The following SYT1 variants were observed in gnomAD, a reference collection of about 807,000 sequenced individuals.
SYT1 encodes synaptotagmin 1.
In SYT1, 8 loss-of-function variants were observed where a neutral mutation model predicts 44.8. The observed-to-expected ratio is 0.18, with a 90% CI of 0.10 to 0.32. The LOEUF (loss-of-function observed/expected upper bound fraction) is 0.32, where lower values mean the gene tolerates loss of function less well. SYT1 is among the 10% of genes least tolerant of loss of function. The pLI, the probability that SYT1 is intolerant of heterozygous loss-of-function variation, is 1.00. For missense variants in SYT1, 286 were observed against 509.3 expected (o/e 0.56, Z 4.22); for synonymous variants, 154 against 188.8 (o/e 0.82, Z 1.51).
intron 3 of SYT1, among the ~76,000 whole-genome samples, chr12:79,071,814 C>T (rs1876298046): frequency 6.6e-6 from 1 of 152,078 alleles, no homozygotes; most frequent in Admixed American, 6.6e-5. Context: ...GGACTTAAGG[C>T]CTACCCTACT....
chr12:79,095,167 T>C (rs957207953), intron 3 of SYT1, among the ~76,000 whole-genome samples: 5 of 151,700 alleles, frequency 3.3e-5, no homozygotes, highest in Non-Finnish European at 7.4e-5. Context: ...ATCAAACGAG[T>C]ACCCCAAAAG....
At chr12:79,109,065 A>G (rs561439320) in intron 3 of SYT1, among the ~76,000 whole-genome samples, 2 of 152,268 alleles carry the variant, frequency 1.3e-5, no homozygotes, top group South Asian at 4.1e-4. Context: ...ACTCTCCACA[A>G]GGCCAGGGGC....
chr12:79,132,497 G>A (rs1041784868), intron 3 of SYT1, among the ~76,000 whole-genome samples: 42 of 150,564 alleles, frequency 2.8e-4, no homozygotes, highest in Middle Eastern at 3.4e-3. Context: ...AATGCTAACC[G>A]TCACTAATCA....
chr12:79,125,336 C>T (rs976153383), intron 3 of SYT1, among the ~76,000 whole-genome samples: 2 of 151,542 alleles, frequency 1.3e-5, no homozygotes, highest in Non-Finnish European at 2.9e-5. Context: ...AGAGGCTGGG[C>T]GCAGTAGCAC....
At chr12:79,221,159 T>A (rs1875135116) in intron 4 of SYT1, among the ~76,000 whole-genome samples, 1 of 152,188 alleles carries the variant, frequency 6.6e-6, no homozygotes, top group Non-Finnish European at 1.5e-5. Context: ...ATTTTGACCA[T>A]TTTTATCATT....
chr12:79,358,664 C>CT (rs1555220745), intron 9 of SYT1, among the ~76,000 whole-genome samples: 3 of 152,132 alleles, frequency 2.0e-5, no homozygotes, highest in Non-Finnish European at 4.4e-5. Flanking sequence ...ATGCAGAGGA[C>CT]TTTCTAATAT....
intron 7 of SYT1, among the ~76,000 whole-genome samples, chr12:79,297,381 A>T (rs1284928808): frequency 6.6e-6 from 1 of 152,176 alleles, no homozygotes; most frequent in Non-Finnish European, 1.5e-5. Flanking sequence ...ATAAAATTTT[A>T]AAAATATTGT....
At chr12:79,269,831 C>G in intron 4 of SYT1, among the ~76,000 whole-genome samples, 1 of 152,136 alleles carries the variant, frequency 6.6e-6, no homozygotes, top group Non-Finnish European at 1.5e-5. Flanking sequence ...AAAAAAGATA[C>G]TTCAGTACCC....
At chr12:79,365,167 T>TATCA (rs759874480) in intron 9 of SYT1, among the ~76,000 whole-genome samples, 1 of 152,118 alleles carries the variant, frequency 6.6e-6, no homozygotes, top group Non-Finnish European at 1.5e-5. Flanking sequence ...TTTCTGCTTA[T>TATCA]ATCAATTCTA....
At chr12:79,372,328 A>G (rs933633196) in intron 9 of SYT1, among the ~76,000 whole-genome samples, 1 of 152,240 alleles carries the variant, frequency 6.6e-6, no homozygotes, top group East Asian at 1.9e-4. Flanking sequence ...AGTGAATTAA[A>G]TTCAATCAGA....
intron 3 of SYT1, among the ~76,000 whole-genome samples, chr12:79,060,632 G>A (rs1592711649): frequency 6.6e-6 from 1 of 151,982 alleles, no homozygotes; most frequent in South Asian, 2.1e-4. Context: ...CCTTATTGTA[G>A]CATGTGTCAA....
At chr12:79,113,778 C>T (rs1382543537) in intron 3 of SYT1, among the ~76,000 whole-genome samples, 5 of 152,096 alleles carry the variant, frequency 3.3e-5, no homozygotes, top group African/African-American at 1.2e-4. Context: ...ATCCCAGTTC[C>T]CACAAAAACT....
intron 3 of SYT1, among the ~76,000 whole-genome samples, chr12:79,115,421 C>T (rs1437913216): frequency 6.6e-6 from 1 of 152,192 alleles, no homozygotes; most frequent in East Asian, 1.9e-4. Context: ...AAATTCACTT[C>T]TACCACCTCA....
chr12:78,944,091 G>C (rs931219613), intron 1 of SYT1, among the ~76,000 whole-genome samples: 3 of 151,796 alleles, frequency 2.0e-5, no homozygotes, highest in East Asian at 3.9e-4. Context: ...TTTAAAATTA[G>C]TTTATTCTTA....
At chr12:79,156,620 A>C (rs966857658) in intron 3 of SYT1, among the ~76,000 whole-genome samples, 1 of 151,998 alleles carries the variant, frequency 6.6e-6, no homozygotes, top group Non-Finnish European at 1.5e-5. Flanking sequence ...GGCACATGCC[A>C]CCATGCCTGG....
chr12:79,015,160 A>T (rs1325518559), intron 2 of SYT1, among the ~76,000 whole-genome samples: 2 of 152,084 alleles, frequency 1.3e-5, no homozygotes, highest in Admixed American at 6.6e-5. Flanking sequence ...ATGTATACAT[A>T]TGTAACTAAC....
intron 9 of SYT1, among the ~76,000 whole-genome samples, chr12:79,432,608 A>C (rs1450430901): frequency 6.6e-6 from 1 of 152,120 alleles, no homozygotes; most frequent in Non-Finnish European, 1.5e-5. Flanking sequence ...CCCTTAAAAA[A>C]ATAAGTTTCT....
intron 2 of SYT1, among the ~76,000 whole-genome samples, chr12:78,982,136 T>C (rs960628522): frequency 3.9e-5 from 6 of 152,118 alleles, no homozygotes; most frequent in African/African-American, 1.2e-4. Context: ...AATTCTACAT[T>C]CAAAGTGAAG....
intron 2 of SYT1, among the ~76,000 whole-genome samples, chr12:79,002,872 T>G (rs1040182140): frequency 6.6e-6 from 1 of 152,056 alleles, no homozygotes; most frequent in Non-Finnish European, 1.5e-5. Flanking sequence ...TATATTAAGA[T>G]CAGTATGTCG....
Sources: gnomAD v4.1 joint callset for allele counts (sites outside exome capture counted in the v4.1 genomes callset) on GRCh38, gnomAD v4.1.1 for gene constraint, MANE v1.5 for transcripts, NCBI Gene and HGNC (gene_info 2026-07-23, HGNC 2026-07-21) for gene names.